The following LINGO2 variants were observed in gnomAD, a reference collection of about 807,000 sequenced individuals.
LINGO2 encodes leucine-rich repeat and immunoglobulin-like domain-containing nogo receptor-interacting protein 2.
LINGO2 carries 14 observed loss-of-function variants against 30.6 expected under a neutral mutation model. The observed-to-expected ratio is 0.46, with a 90% confidence interval of 0.30 to 0.72. LINGO2 has a LOEUF of 0.72. LINGO2 is among the 30% of genes least tolerant of loss of function. The pLI, the probability that LINGO2 is intolerant of heterozygous loss-of-function variation, is 0.07. For synonymous variants in LINGO2, 317 were observed against 288.5 expected, an observed-to-expected ratio of 1.10 and a Z score of -1.00; for missense variants, 729 against 751.7, an observed-to-expected ratio of 0.97 and a Z score of 0.35.
At chr9:28,745,508 T>C in the LINGO2 span, among the ~76,000 whole-genome samples, 1 of 152,124 alleles carries the variant, frequency 6.6e-6, no homozygotes, top group African/African-American at 2.4e-5. Context: ...TGTCTTTACA[T>C]GTGCAGTTTG....
intron 1 of LINGO2, among the ~76,000 whole-genome samples, chr9:28,547,812 G>C (rs565907362): frequency 6.6e-6 from 1 of 152,062 alleles, no homozygotes; most frequent in Non-Finnish European, 1.5e-5. Flanking sequence ...CAGAGTGAAT[G>C]GTGAATACAA....
the LINGO2 span, among the ~76,000 whole-genome samples, chr9:29,150,211 C>T: frequency 6.6e-6 from 1 of 152,090 alleles, no homozygotes. Flanking sequence ...AAAATCTAGC[C>T]ACAAATAAAG....
the LINGO2 span, among the ~76,000 whole-genome samples, chr9:28,815,243 G>A: frequency 6.6e-6 from 1 of 152,124 alleles, no homozygotes; most frequent in Non-Finnish European, 1.5e-5. Context: ...TCCTGAGAAG[G>A]AGCAAATGAG....
chr9:29,068,340 A>C, the LINGO2 span, among the ~76,000 whole-genome samples: 1 of 151,816 alleles, frequency 6.6e-6, no homozygotes, highest in South Asian at 2.1e-4. Flanking sequence ...CACCGCATAT[A>C]AAAAATAAGT....
intron 4 of LINGO2, among the ~76,000 whole-genome samples, chr9:28,234,571 A>C (rs1394188752): frequency 1.3e-5 from 2 of 152,224 alleles, no homozygotes; most frequent in East Asian, 3.8e-4. Flanking sequence ...TAAAGCAGGC[A>C]GAAGAAAATG....
At chr9:28,692,796 T>C in the LINGO2 span, among the ~76,000 whole-genome samples, 1 of 152,146 alleles carries the variant, frequency 6.6e-6, no homozygotes, top group African/African-American at 2.4e-5. Context: ...TAGTCACAAG[T>C]GATTTCTTTC....
intron 4 of LINGO2, among the ~76,000 whole-genome samples, chr9:28,210,546 A>T (rs1820553197): frequency 6.6e-6 from 1 of 151,650 alleles, no homozygotes; most frequent in Non-Finnish European, 1.5e-5. Context: ...ATTAACAGCA[A>T]GTTTTGTAGT....
the LINGO2 span, among the ~76,000 whole-genome samples, chr9:29,188,954 G>A: frequency 6.8e-6 from 1 of 147,508 alleles, no homozygotes; most frequent in Admixed American, 6.7e-5. Context: ...CTGGCCCGGC[G>A]GGGGGCTGAC....
At chr9:28,763,063 T>C in the LINGO2 span, among the ~76,000 whole-genome samples, 13,367 of 152,116 alleles carry the variant, frequency 0.088, 715 homozygotes, top group African/African-American at 0.11. Flanking sequence ...GAAGTCAAAA[T>C]ATGAAACTTT....
intron 4 of LINGO2, among the ~76,000 whole-genome samples, chr9:28,256,572 G>A (rs984637409): frequency 2.0e-5 from 3 of 151,848 alleles, no homozygotes; most frequent in Non-Finnish European, 4.4e-5. Context: ...AAGATAATGT[G>A]GTAAGAATGA....
chr9:28,805,624 G>C, the LINGO2 span, among the ~76,000 whole-genome samples: 1 of 152,106 alleles, frequency 6.6e-6, no homozygotes, highest in South Asian at 2.1e-4. Flanking sequence ...TACTTATTCA[G>C]TTTTCACAAA....
chr9:28,630,245 A>G (rs10968691), intron 1 of LINGO2, among the ~76,000 whole-genome samples: 14,207 of 152,104 alleles, frequency 0.093, 874 homozygotes, highest in East Asian at 0.19. Flanking sequence ...AAAAAGAAAA[A>G]AAAAAGTTTC....
chr9:28,551,997 G>A (rs988929987), intron 1 of LINGO2, among the ~76,000 whole-genome samples: 1 of 151,624 alleles, frequency 6.6e-6, no homozygotes, highest in Non-Finnish European at 1.5e-5. Context: ...TCAGTTTATT[G>A]TACGATTTTT....
chr9:28,008,436 A>G (rs531395349), intron 5 of LINGO2, among the ~76,000 whole-genome samples: 13 of 152,176 alleles, frequency 8.5e-5, no homozygotes, highest in African/African-American at 2.6e-4. Flanking sequence ...CACTCTTGCA[A>G]CTTCTATTCA....
At chr9:28,624,603 T>C (rs1206265394) in intron 1 of LINGO2, among the ~76,000 whole-genome samples, 1 of 151,534 alleles carries the variant, frequency 6.6e-6, no homozygotes, top group Admixed American at 6.6e-5. Context: ...TTCATTGATA[T>C]TCATCAGAGA....
chr9:29,187,933 C>A, the LINGO2 span, among the ~76,000 whole-genome samples: 1 of 148,586 alleles, frequency 6.7e-6, no homozygotes, highest in African/African-American at 2.5e-5. Flanking sequence ...ACATTTAAAA[C>A]TGTTGTTTCC....
chr9:28,193,829 C>T (rs1202491845), intron 4 of LINGO2, among the ~76,000 whole-genome samples: 1 of 152,164 alleles, frequency 6.6e-6, no homozygotes, highest in African/African-American at 2.4e-5. Context: ...ACTGGAGTAA[C>T]TAGGAGCTGC....
the LINGO2 span, among the ~76,000 whole-genome samples, chr9:28,792,634 A>C: frequency 6.6e-6 from 1 of 152,152 alleles, no homozygotes; most frequent in Non-Finnish European, 1.5e-5. Flanking sequence ...TGAAAACTTC[A>C]TATAAATATG....
Position 28,060,841 on chromosome 9 carries a change from G to C in LINGO2, c.-86-48436C>G, listed in dbSNP as rs542769997. On this transcript the variant is annotated intron_variant, in intron 4 of 5. Transcript: ENST00000379992. The stretch of plus-strand genomic sequence containing the variant: ...AGGTTTCAGACTCAGGGAAAACCTG[G>C]CCTGATCTTAAACTTGTCTTCTTCT... 1.7e-3 allele frequency among the ~76,000 whole-genome samples: 263 copies of C among 152,196 alleles called. 2 individuals are homozygous for C. The highest frequency in any genetic ancestry group is 5.9e-3 in the African/African-American group (243 of 41,536).
Sources: gnomAD v4.1 joint callset for allele counts (sites outside exome capture counted in the v4.1 genomes callset) on GRCh38, gnomAD v4.1.1 for gene constraint, MANE v1.5 for transcripts, NCBI Gene and HGNC (gene_info 2026-07-23, HGNC 2026-07-21) for gene names.